NELL1: variants seen among roughly 807,000 people sequenced by gnomAD.
NELL1 encodes protein kinase C-binding protein NELL1.
In NELL1, 76 loss-of-function variants were observed where a neutral mutation model predicts 107.4. The observed-to-expected ratio is 0.71, with a 90% CI of 0.59 to 0.86. The LOEUF is 0.86. Ranked by LOEUF, NELL1 falls within the 40% of genes least tolerant of loss-of-function variation. The pLI, the probability that NELL1 is intolerant of heterozygous loss-of-function variation, is 0.00. For missense variants in NELL1, 1,024 were observed against 1,005.5 expected (o/e 1.02, Z -0.25); for synonymous variants, 353 against 341.2 (o/e 1.03, Z -0.38).
chr11:21,294,499 T>C (rs918321127), intron 14 of NELL1, among the ~76,000 whole-genome samples: 16 of 152,106 alleles, frequency 1.1e-4, no homozygotes, highest in African/African-American at 3.4e-4. Flanking sequence ...TGGTAATTAA[T>C]TGCATGGCAA....
At chr11:21,516,752 CACACACACAG>C (rs906096400) in intron 15 of NELL1, among the ~76,000 whole-genome samples, 4 of 147,950 alleles carry the variant, frequency 2.7e-5, no homozygotes, top group Admixed American at 1.4e-4. Context: ...CACACACACA[CACACACACAG>C]ACACACACAC....
chr11:21,006,299 A>G (rs946378506), intron 12 of NELL1, among the ~76,000 whole-genome samples: 1 of 152,100 alleles, frequency 6.6e-6, no homozygotes, highest in Non-Finnish European at 1.5e-5. Flanking sequence ...GAGGGACCCG[A>G]TCTGATATGC....
intron 13 of NELL1, among the ~76,000 whole-genome samples, chr11:21,185,771 C>CT (rs1228787136): frequency 2.0e-4 from 30 of 151,966 alleles, no homozygotes; most frequent in African/African-American, 6.5e-4. Flanking sequence ...TCTCCTCTAG[C>CT]TTTTAACCTG....
At chr11:21,007,599 T>C (rs956019692) in intron 12 of NELL1, among the ~76,000 whole-genome samples, 1 of 152,052 alleles carries the variant, frequency 6.6e-6, no homozygotes, top group African/African-American at 2.4e-5. Flanking sequence ...AAGATTTCTT[T>C]TTTTGTTAGA....
intron 15 of NELL1, among the ~76,000 whole-genome samples, chr11:21,435,335 A>G: frequency 6.6e-6 from 1 of 151,598 alleles, no homozygotes; most frequent in East Asian, 1.9e-4. Flanking sequence ...TCATATATGG[A>G]TTGTATTGTG....
At chr11:20,981,532 C>A (rs976422264) in intron 12 of NELL1, among the ~76,000 whole-genome samples, 2 of 152,050 alleles carry the variant, frequency 1.3e-5, no homozygotes, top group African/African-American at 2.4e-5. Context: ...TTAACAGTGC[C>A]CACTATGCAC....
At chr11:20,932,742 C>G (rs1401059514) in intron 9 of NELL1, among the ~76,000 whole-genome samples, 1 of 152,106 alleles carries the variant, frequency 6.6e-6, no homozygotes, top group Non-Finnish European at 1.5e-5. Context: ...AAAATAAAGC[C>G]CTGGCAGTCT....
At chr11:20,969,251 C>T (rs1175982183) in intron 12 of NELL1, among the ~76,000 whole-genome samples, 1 of 152,032 alleles carries the variant, frequency 6.6e-6, no homozygotes, top group Admixed American at 6.6e-5. Flanking sequence ...CCTCAATATT[C>T]CTTATGTCTC....
intron 15 of NELL1, among the ~76,000 whole-genome samples, chr11:21,499,279 A>T (rs7937496): frequency 0.087 from 13,232 of 152,002 alleles, 868 homozygotes; most frequent in East Asian, 0.29. Context: ...TTTTGTTATT[A>T]TTCTGTCAGA....
intron 2 of NELL1, among the ~76,000 whole-genome samples, chr11:20,739,731 A>G (rs2133932402): frequency 6.6e-6 from 1 of 152,286 alleles, no homozygotes; most frequent in African/African-American, 2.4e-5. Context: ...GGGCAGAGAG[A>G]CAAAGTGACC....
intron 12 of NELL1, among the ~76,000 whole-genome samples, chr11:21,045,659 C>T (rs1044783082): frequency 6.6e-6 from 1 of 152,074 alleles, no homozygotes; most frequent in Non-Finnish European, 1.5e-5. Context: ...TTCTTGACCA[C>T]CTCCTCATTT....
At chr11:21,494,044 A>C (rs1564923235) in intron 15 of NELL1, among the ~76,000 whole-genome samples, 1 of 151,984 alleles carries the variant, frequency 6.6e-6, no homozygotes. Context: ...TCTGTAGCTA[A>C]GCAATATATT....
intron 15 of NELL1, 94 bp from the exon 16 acceptor site, chr11:21,534,280 A>G: frequency 7.1e-7 from 1 of 1,402,818 alleles, no homozygotes; most frequent in Non-Finnish European, 1.0e-6. Flanking sequence ...GTTTTAATTG[A>G]TATGTTGACA....
chr11:21,408,320 T>C (rs1432125632), intron 15 of NELL1, among the ~76,000 whole-genome samples: 1 of 151,954 alleles, frequency 6.6e-6, no homozygotes, highest in Non-Finnish European at 1.5e-5. Context: ...AGCATAACTC[T>C]TCCATTACAG....
intron 13 of NELL1, among the ~76,000 whole-genome samples, chr11:21,141,412 GT>G (rs1855864922): frequency 6.6e-6 from 1 of 152,104 alleles, no homozygotes; most frequent in African/African-American, 2.4e-5. Context: ...TTTCCTATTT[GT>G]TTTTTATCCT....
chr11:21,387,628 T>C (rs1424144844), intron 15 of NELL1, among the ~76,000 whole-genome samples: 2 of 151,832 alleles, frequency 1.3e-5, no homozygotes, highest in African/African-American at 2.4e-5. Flanking sequence ...AAAACTTCCT[T>C]TACCACTCTT....
chr11:20,675,095 C>T (rs114039296), intron 1 of NELL1, among the ~76,000 whole-genome samples: 2,791 of 152,166 alleles, frequency 0.018, 96 homozygotes, highest in African/African-American at 0.064. Context: ...ACCAGTGGAC[C>T]AGCCGGGACA....
chr11:20,921,798 G>GTGT (rs1850383242), intron 7 of NELL1, among the ~76,000 whole-genome samples: 1 of 145,564 alleles, frequency 6.9e-6, no homozygotes, highest in Admixed American at 6.8e-5. Context: ...TATTGTGTGT[G>GTGT]TTTTTTTTTT....
chr11:20,907,375 A>G (rs1203355769), intron 5 of NELL1, among the ~76,000 whole-genome samples: 1 of 152,078 alleles, frequency 6.6e-6, no homozygotes, highest in African/African-American at 2.4e-5. Context: ...CCTATAACTG[A>G]ACAAAATGAC....
Sources: allele counts gnomAD v4.1 joint callset (sites outside exome capture counted in the v4.1 genomes callset), GRCh38; gene constraint gnomAD v4.1.1; transcripts MANE v1.5; gene names NCBI Gene and HGNC (gene_info 2026-07-23, HGNC 2026-07-21).